Variants in COL28A1 observed in about 807,000 individuals in gnomAD.
COL28A1 encodes the protein collagen alpha-1(XXVIII) chain.
In COL28A1, 161 loss-of-function variants were observed where a neutral mutation model predicts 150.2. The ratio of observed to expected loss-of-function variants is 1.07; its 90% confidence interval spans 0.94 to 1.22. The LOEUF (loss-of-function observed/expected upper bound fraction) is 1.22. Ranked by LOEUF, COL28A1 falls within the 50% of genes most tolerant of loss-of-function variation. COL28A1 has a pLI of 0.00. For synonymous variants in COL28A1, 552 were observed against 469.7 expected (o/e 1.18, Z -2.26); for missense variants, 1,617 against 1,388.3 (o/e 1.16, Z -2.62).
At chr7:7,384,921 A>G (rs2128291000) in intron 27 of COL28A1, among the ~76,000 whole-genome samples, 2 of 152,342 alleles carry the variant, frequency 1.3e-5, no homozygotes, top group South Asian at 4.1e-4. Context: ...AATAGGTGGG[A>G]AAGTGTAGAT....
At chr7:7,541,722 A>G in the COL28A1 span, among the ~76,000 whole-genome samples, 7 of 152,332 alleles carry the variant, frequency 4.6e-5, no homozygotes, top group East Asian at 1.4e-3. Context: ...TTTTTTGGGC[A>G]GAAGAATGAG....
At chr7:7,440,966 T>C in intron 20 of COL28A1, 105 bp from the exon 21 acceptor site, 1 of 640,090 alleles carries the variant, frequency 1.6e-6, no homozygotes, top group Admixed American at 2.3e-5. Context: ...ATACCAATTT[T>C]AAAGTGGTGT....
At chr7:7,345,049 G>C in the COL28A1 span, among the ~76,000 whole-genome samples, 1 of 151,726 alleles carries the variant, frequency 6.6e-6, no homozygotes, top group African/African-American at 2.4e-5. Context: ...AGGTGTCTGT[G>C]TGTTGGCGGG....
At chr7:7,451,471 G>A (rs1005321799) in intron 18 of COL28A1, among the ~76,000 whole-genome samples, 5 of 152,034 alleles carry the variant, frequency 3.3e-5, no homozygotes, top group Non-Finnish European at 5.9e-5. Context: ...TGATCCACCC[G>A]CCTTGGCCTC....
chr7:7,351,536 G>T (rs887062218), downstream of COL28A1, among the ~76,000 whole-genome samples: 4 of 152,042 alleles, frequency 2.6e-5, no homozygotes, highest in Admixed American at 2.0e-4. Flanking sequence ...AAGACTCCAA[G>T]ATTTCTTGGT....
chr7:7,490,187 C>T (rs1377847889), intron 12 of COL28A1, among the ~76,000 whole-genome samples: 3 of 152,164 alleles, frequency 2.0e-5, no homozygotes, highest in Non-Finnish European at 4.4e-5. Context: ...TATTCATTGC[C>T]ATGGCCCTTC....
upstream of COL28A1, among the ~76,000 whole-genome samples, chr7:7,536,078 CA>C (rs1782624976): frequency 2.0e-5 from 3 of 152,130 alleles, no homozygotes; most frequent in African/African-American, 7.2e-5. Context: ...CATTGGTTGA[CA>C]GCCTGCCTTT....
intron 9 of COL28A1, 129 bp downstream of exon 9, chr7:7,510,962 T>A (rs1032083388): frequency 6.9e-6 from 5 of 723,372 alleles, no homozygotes; most frequent in Middle Eastern, 2.3e-4. Context: ...TTTACAGATG[T>A]GAAAAATTGA....
chr7:7,436,412 A>C lies in COL28A1; in HGVS notation c.1843T>G (p.Ser615Ala). ...IPGFKGEPGL[S>A]IRGPKGVQGP... Reference sequence around the variant, plus strand: ...AAGCATACCTTTGGTCCTCGAATAGAAAGTCCAGGTTCTCCCTTAAATCCA... The same window carrying C: ...AAGCATACCTTTGGTCCTCGAATAGCAAGTCCAGGTTCTCCCTTAAATCCA... The change falls in exon 23 of 35, where the codon TCT becomes GCT. Residue 615 changes from serine (S) to alanine (A), a missense_variant. Coordinates refer to ENST00000399429, the MANE Select transcript of COL28A1 (RefSeq NM_001037763.3). 7.1e-7 allele frequency: 1 copy of C among 1,408,592 alleles called. No individual in the cohort carries two copies. Among genetic ancestry groups the C allele is most frequent in the South Asian group, 1.2e-5 (1 of 86,946 alleles). 87.3% of individuals were successfully genotyped at this position (1,408,592 alleles called of 1,614,324 possible).
At chr7:7,426,053 GA>G (rs1261439655) in intron 25 of COL28A1, among the ~76,000 whole-genome samples, 2 of 152,158 alleles carry the variant, frequency 1.3e-5, no homozygotes, top group African/African-American at 4.8e-5. Context: ...GTGGAAGCAA[GA>G]TATACTTGTT....
In COL28A1 at chr7:7,530,422, A is replaced by T. The variant is rs183670542; in HGVS notation, c.681+926T>A. 3.3e-5 allele frequency among the ~76,000 whole-genome samples: 5 copies of T among 152,338 alleles called. No homozygotes were observed. The East Asian group carries it at 7.7e-4, about 23-fold the overall frequency. ...GACAAAAGGAGCAAAACAATCTCTG[A>T]AATAGAGCCTGAGTTTTCTGTGCAA... is the stretch of plus-strand genomic sequence containing the variant. On this transcript the variant is annotated intron_variant, in intron 3 of 34. Coordinates refer to ENST00000399429, the MANE Select transcript of COL28A1 (RefSeq NM_001037763.3).
At chr7:7,384,930 A>G (rs548192179) in intron 27 of COL28A1, among the ~76,000 whole-genome samples, 1 of 152,212 alleles carries the variant, frequency 6.6e-6, no homozygotes, top group Non-Finnish European at 1.5e-5. Flanking sequence ...GAAAGTGTAG[A>G]TAACACAGAA....
intron 4 of COL28A1, among the ~76,000 whole-genome samples, chr7:7,523,432 A>G (rs1190932823): frequency 6.6e-6 from 1 of 151,740 alleles, no homozygotes; most frequent in Non-Finnish European, 1.5e-5. Context: ...TGCTGGGATT[A>G]CAGGCGTGAG....
At chr7:7,388,738 G>A (rs530980201) in intron 27 of COL28A1, among the ~76,000 whole-genome samples, 1 of 152,144 alleles carries the variant, frequency 6.6e-6, no homozygotes, top group East Asian at 1.9e-4. Flanking sequence ...GGTTTTGATT[G>A]GCATTTCTCT....
At chr7:7,357,736 G>C (rs1780409375), downstream of COL28A1, 1 of 127,668 alleles carries the variant, frequency 7.8e-6, no homozygotes, top group African/African-American at 2.5e-5. Context: ...TCCCAGACAG[G>C]ATCTTGCAAA....
chr7:7,339,017 A>T, the COL28A1 span, among the ~76,000 whole-genome samples: 1 of 152,184 alleles, frequency 6.6e-6, no homozygotes, highest in African/African-American at 2.4e-5. Context: ...AACTCTGAGT[A>T]GGCTCATCCT....
At chr7:7,361,960 C>G (rs560898118) in intron 33 of COL28A1, among the ~76,000 whole-genome samples, 2 of 152,088 alleles carry the variant, frequency 1.3e-5, no homozygotes, top group Non-Finnish European at 2.9e-5. Flanking sequence ...TGTTCTCATT[C>G]GTAAGTGGGA....
intron 3 of COL28A1, among the ~76,000 whole-genome samples, chr7:7,525,459 G>A (rs1401840588): frequency 6.6e-6 from 1 of 152,178 alleles, no homozygotes; most frequent in Non-Finnish European, 1.5e-5. Context: ...TTTATATATA[G>A]AATTAGTACT....
intron 13 of COL28A1, among the ~76,000 whole-genome samples, chr7:7,487,694 C>T (rs1018633019): frequency 3.9e-5 from 6 of 152,272 alleles, no homozygotes; most frequent in Non-Finnish European, 5.9e-5. Context: ...TTTGAGACTT[C>T]GCTAAATTAA....
Sources: allele counts gnomAD v4.1 joint callset (sites outside exome capture counted in the v4.1 genomes callset), GRCh38; gene constraint gnomAD v4.1.1; transcripts MANE v1.5; gene names NCBI Gene and HGNC (gene_info 2026-07-23, HGNC 2026-07-21).